TMPRSS11A: variants seen among roughly 807,000 people sequenced by gnomAD.
The protein encoded by TMPRSS11A is transmembrane serine protease 11A.
A neutral mutation model predicts 58.9 loss-of-function variants in TMPRSS11A; 53 were observed. That is an observed-to-expected ratio of 0.90 (90% CI 0.72 to 1.13). The LOEUF is 1.13. TMPRSS11A is among the 50% of genes most tolerant of loss of function. TMPRSS11A has a pLI of 0.00. For missense variants in TMPRSS11A, 493 were observed against 499.3 expected (o/e 0.99, Z 0.12); for synonymous variants, 167 against 169.8 (o/e 0.98, Z 0.13).
At position 67,932,032 on chromosome 4, in the gene TMPRSS11A, C is replaced by G; in HGVS notation, c.281G>C (p.Trp94Ser). The G allele has an allele frequency of 6.2e-7, 1 of 1,600,598 alleles. No individual in the cohort carries two copies. Residue 94 changes from tryptophan to serine, a missense_variant, in exon 4 of 10, where the codon TGG becomes TCG. Coordinates refer to ENST00000508048, the MANE Select transcript of TMPRSS11A (RefSeq NM_001114387.2). Reference protein sequence around the residue: ...LVDEIFIDSAWKKNYIKNQVV... With the variant: ...LVDEIFIDSASKKNYIKNQVV... ...TTGGTTCTTGATATAATTTTTCTTC[C>G]AGGCTGAATCTATAAATATCTCATC...
In TMPRSS11A at chr4:67,910,227, T is replaced by C. The variant is rs1331980578; in HGVS notation, c.*1115A>G. On this transcript the variant is annotated 3_prime_UTR_variant, in exon 10 of 10. Coordinates refer to ENST00000508048, the MANE Select transcript of TMPRSS11A (RefSeq NM_001114387.2). ...AAGTGGTCCAAAAGAGAAAACATACTATATGTTATATGTTATAGCCCCATG... is the reference window on the plus strand; with the variant it reads ...AAGTGGTCCAAAAGAGAAAACATACCATATGTTATATGTTATAGCCCCATG... 3 of 152,192 alleles carry C rather than the reference T, an allele frequency of 2.0e-5. No homozygotes were observed. Among genetic ancestry groups the C allele is most frequent in the African/African-American group, 7.2e-5 (3 of 41,560 alleles). 9.4% of individuals were successfully genotyped at this position (152,192 alleles called of 1,614,324 possible). A position where few individuals can be genotyped will look rare whatever the true frequency, so the allele number is the denominator to read the frequency against.
intron 3 of TMPRSS11A, among the ~76,000 whole-genome samples, chr4:67,938,346 G>A (rs113133171): frequency 0.011 from 1,652 of 152,112 alleles, 28 homozygotes; most frequent in African/African-American, 0.037. Context: ...TTTTCTCCCA[G>A]TCTGTAGGTT....
At chr4:67,943,790 A>G (rs1175109543) in intron 3 of TMPRSS11A, among the ~76,000 whole-genome samples, 1 of 152,176 alleles carries the variant, frequency 6.6e-6, no homozygotes, top group African/African-American at 2.4e-5. Context: ...AAAATGGTAG[A>G]TGATTTGGGA....
At chr4:67,961,340 T>C (rs1721414438) in intron 1 of TMPRSS11A, among the ~76,000 whole-genome samples, 1 of 152,204 alleles carries the variant, frequency 6.6e-6, no homozygotes, top group Admixed American at 6.5e-5. Context: ...CTTGTTGGTG[T>C]GACCTGACAT....
chr4:67,932,912 G>A (rs188404420), intron 3 of TMPRSS11A, among the ~76,000 whole-genome samples: 6 of 152,120 alleles, frequency 3.9e-5, no homozygotes, highest in South Asian at 2.1e-4. Context: ...CTACTGCCAC[G>A]GTATTGTGAT....
At chr4:67,944,383 G>T in intron 3 of TMPRSS11A, 136 bp downstream of exon 3, 1 of 991,976 alleles carries the variant, frequency 1.0e-6, no homozygotes, top group Non-Finnish European at 1.5e-6. Flanking sequence ...AGCAGGTCTG[G>T]GATGGGGCCT....
chr4:67,942,242 T>C (rs969561594), intron 3 of TMPRSS11A, among the ~76,000 whole-genome samples: 3 of 152,196 alleles, frequency 2.0e-5, no homozygotes, highest in Non-Finnish European at 4.4e-5. Context: ...GGACTGAATG[T>C]TTGTGTTCCC....
chr4:67,923,763 T>C (rs1488223567), intron 6 of TMPRSS11A, among the ~76,000 whole-genome samples: 1 of 152,208 alleles, frequency 6.6e-6, no homozygotes, highest in Non-Finnish European at 1.5e-5. Context: ...CACAGACAAA[T>C]TGTCAGTCAC....
intron 5 of TMPRSS11A, 77 bp from the exon 6 acceptor site, chr4:67,924,243 G>C (rs566293897): frequency 8.3e-7 from 1 of 1,199,008 alleles, no homozygotes. Flanking sequence ...ATAATCAGAG[G>C]ATACTGACCA....
chr4:67,930,294 A>G (rs1272256739), intron 4 of TMPRSS11A, among the ~76,000 whole-genome samples: 1 of 152,208 alleles, frequency 6.6e-6, no homozygotes, highest in Non-Finnish European at 1.5e-5. Context: ...AAAAATCATC[A>G]TCAAAATTAC....
At chr4:67,930,143 G>A in intron 4 of TMPRSS11A, 103 bp from the exon 5 acceptor site, 3 of 1,056,826 alleles carry the variant, frequency 2.8e-6, no homozygotes, top group East Asian at 2.4e-5. Context: ...CAGTTGCTGA[G>A]AGTGTCAAGT....
At chr4:67,931,934 T>C in intron 4 of TMPRSS11A, 59 bp downstream of exon 4, 1 of 1,010,118 alleles carries the variant, frequency 9.9e-7, no homozygotes, top group Non-Finnish European at 1.6e-6. Context: ...AGAGTCCCTG[T>C]CTCCTTTGTT....
rs151094571 is a variant in TMPRSS11A at position 67,931,993 on chromosome 4, G to A, written c.320C>T (p.Thr107Ile). Residue 107 changes from threonine to isoleucine, a missense_variant and splice_region_variant, in exon 4 of 10, where the codon ACT (threonine) becomes ATT (isoleucine). Physicochemically the swap from Thr to Ile is moderately conservative, Grantham distance 89 (BLOSUM62 -1). Coordinates refer to ENST00000508048, the MANE Select transcript of TMPRSS11A (RefSeq NM_001114387.2). ...NYIKNQVVRL[T>I]PEEDGVKVDV... ...TCCACCTTTGCCCAAACATACATAC[G>A]TCAGTCTGACTACTTGGTTCTTGAT... The A allele has an allele frequency of 2.7e-4, 428 of 1,587,672 alleles. 6 individuals carry two copies. The South Asian group carries it at 3.1e-3, about 11-fold the overall frequency.
At position 67,932,072 on chromosome 4, in the gene TMPRSS11A, C is replaced by A. The variant is rs750970911; in HGVS notation, c.253-12G>T. Reference sequence around the variant, plus strand: ...AATATCTCATCCACCTGTTACACAACAAGAGAGAAACTATGTGTTAATAAT... The same window carrying A: ...AATATCTCATCCACCTGTTACACAAAAAGAGAGAAACTATGTGTTAATAAT... On this transcript the variant is annotated splice_polypyrimidine_tract_variant and intron_variant, in intron 3 of 9. Coordinates refer to ENST00000508048, the MANE Select transcript of TMPRSS11A (RefSeq NM_001114387.2). 2.1e-6 allele frequency: 3 copies of A among 1,455,700 alleles called. No homozygotes were observed. In the South Asian group the frequency reaches 3.5e-5, roughly 17 times the overall value. 90.2% of individuals were successfully genotyped at this position (1,455,700 alleles called of 1,614,324 possible).
At chr4:67,944,494 A>G (rs2109760943) in intron 3 of TMPRSS11A, 25 bp downstream of exon 3, 1 of 1,598,918 alleles carries the variant, frequency 6.3e-7, no homozygotes, top group Non-Finnish European at 8.5e-7. Context: ...TTATTCTATG[A>G]TAAAAAGAAG....
intron 3 of TMPRSS11A, 147 bp from the exon 4 acceptor site, chr4:67,932,207 A>G (rs753283400): frequency 5.6e-5 from 31 of 549,708 alleles, no homozygotes; most frequent in Admixed American, 9.3e-5. Flanking sequence ...TCACAGTGCA[A>G]CAGAATCATT....
At chr4:67,934,728 A>G (rs573228387) in intron 3 of TMPRSS11A, among the ~76,000 whole-genome samples, 11 of 152,254 alleles carry the variant, frequency 7.2e-5, no homozygotes, top group African/African-American at 2.6e-4. Flanking sequence ...AGAGTGAGGG[A>G]GAGGCTGTCA....
chr4:67,914,050 G>A (rs1720076819), intron 9 of TMPRSS11A, among the ~76,000 whole-genome samples: 1 of 152,198 alleles, frequency 6.6e-6, no homozygotes, highest in African/African-American at 2.4e-5. Context: ...TCCTCATGCT[G>A]AGACCCAACC....
chr4:67,944,800 T>A (rs1196982390), intron 2 of TMPRSS11A, among the ~76,000 whole-genome samples, 163 bp from the exon 3 acceptor site: 1 of 152,214 alleles, frequency 6.6e-6, no homozygotes, highest in Non-Finnish European at 1.5e-5. Context: ...TTATAATAGC[T>A]GCCATTTATT....
Sources: allele counts gnomAD v4.1 joint callset (sites outside exome capture counted in the v4.1 genomes callset), GRCh38; gene constraint gnomAD v4.1.1; transcripts MANE v1.5; gene names NCBI Gene and HGNC (gene_info 2026-07-23, HGNC 2026-07-21).